CNTN5: variants seen among roughly 807,000 people sequenced by gnomAD.
The protein encoded by CNTN5 is contactin-5.
CNTN5 carries 77 observed loss-of-function variants against 129.1 expected under a neutral mutation model. That is an observed-to-expected ratio of 0.60 (90% confidence interval 0.50 to 0.72). The LOEUF (loss-of-function observed/expected upper bound fraction) is 0.72, where lower values mean the gene tolerates loss of function less well. Among genes scored for constraint, CNTN5 ranks in the 30% least tolerant of loss-of-function variants. The pLI is 0.00. For missense variants in CNTN5, 1,478 were observed against 1,328.8 expected (o/e 1.11, Z -1.75); for synonymous variants, 509 against 465.6 (o/e 1.09, Z -1.20).
At chr11:100,061,423 C>G in intron 10 of CNTN5, 30 bp downstream of exon 10, 6 of 1,471,490 alleles carry the variant, frequency 4.1e-6, no homozygotes, top group Middle Eastern at 1.8e-4. Context: ...CATGATTGCT[C>G]TAGTCCCAAA....
At chr11:99,910,809 T>C (rs1029899103) in intron 6 of CNTN5, among the ~76,000 whole-genome samples, 2 of 152,106 alleles carry the variant, frequency 1.3e-5, no homozygotes, top group Admixed American at 6.6e-5. Flanking sequence ...AAAAATAGTT[T>C]GTGAATGAAG....
At chr11:99,665,367 A>T (rs898994596) in intron 3 of CNTN5, among the ~76,000 whole-genome samples, 13 of 152,154 alleles carry the variant, frequency 8.5e-5, no homozygotes, top group Non-Finnish European at 1.8e-4. Flanking sequence ...GAGAAACGTA[A>T]CCAGAGAGCA....
chr11:100,129,219 C>A (rs76516082), intron 13 of CNTN5, among the ~76,000 whole-genome samples: 2,268 of 151,822 alleles, frequency 0.015, 56 homozygotes, highest in African/African-American at 0.051. Flanking sequence ...ATTTATATAG[C>A]GTGCGTTATG....
At chr11:99,069,983 C>T (rs1458110294) in intron 1 of CNTN5, among the ~76,000 whole-genome samples, 3 of 152,236 alleles carry the variant, frequency 2.0e-5, no homozygotes, top group East Asian at 3.9e-4. Flanking sequence ...CTCCCTCTTC[C>T]GATAATGAGG....
chr11:99,485,642 A>T (rs1238262713), intron 2 of CNTN5, among the ~76,000 whole-genome samples: 2 of 152,222 alleles, frequency 1.3e-5, no homozygotes, highest in East Asian at 1.9e-4. Flanking sequence ...AAAAATATAT[A>T]CTAGGATAAA....
intron 8 of CNTN5, among the ~76,000 whole-genome samples, chr11:100,000,633 C>G (rs1939799377): frequency 6.6e-6 from 1 of 152,142 alleles, no homozygotes; most frequent in Non-Finnish European, 1.5e-5. Flanking sequence ...TAAACAATAC[C>G]CCAGTGGGGA....
intron 3 of CNTN5, among the ~76,000 whole-genome samples, chr11:99,701,900 T>C (rs1954537945): frequency 6.6e-6 from 1 of 151,076 alleles, no homozygotes; most frequent in South Asian, 2.1e-4. Flanking sequence ...ATTTTACTCC[T>C]AATTTCTTCA....
At chr11:100,096,096 T>C (rs1479092218) in intron 13 of CNTN5, among the ~76,000 whole-genome samples, 1 of 152,050 alleles carries the variant, frequency 6.6e-6, no homozygotes, top group Non-Finnish European at 1.5e-5. Context: ...AAGGATCCTT[T>C]GCTTGCTTTA....
chr11:99,225,027 G>A (rs1213888501), intron 1 of CNTN5, among the ~76,000 whole-genome samples: 1 of 151,924 alleles, frequency 6.6e-6, no homozygotes, highest in African/African-American at 2.4e-5. Context: ...AATTAAGTTT[G>A]GAATTGAGAG....
chr11:99,345,434 T>C (rs1467527255), intron 2 of CNTN5, among the ~76,000 whole-genome samples: 1 of 152,174 alleles, frequency 6.6e-6, no homozygotes, highest in Non-Finnish European at 1.5e-5. Context: ...CAACTTAAAA[T>C]AAATATATCC....
intron 21 of CNTN5, among the ~76,000 whole-genome samples, chr11:100,312,541 C>A (rs1951490800): frequency 6.6e-6 from 1 of 151,980 alleles, no homozygotes; most frequent in Admixed American, 6.6e-5. Context: ...ATTTTGTTTA[C>A]TTTTATCCCT....
At chr11:100,355,915 A>G (rs1952512016) in intron 24 of CNTN5, among the ~76,000 whole-genome samples, 1 of 151,842 alleles carries the variant, frequency 6.6e-6, no homozygotes, top group East Asian at 1.9e-4. Context: ...TCACCTTTTC[A>G]ATACAATATC....
intron 13 of CNTN5, among the ~76,000 whole-genome samples, chr11:100,080,766 T>G (rs1208264450): frequency 6.6e-6 from 1 of 152,138 alleles, no homozygotes; most frequent in Admixed American, 6.6e-5. Context: ...TGGGTTTTCC[T>G]TAGTGTGTAA....
chr11:99,887,555 G>T (rs1489515254), intron 6 of CNTN5, among the ~76,000 whole-genome samples: 2 of 152,188 alleles, frequency 1.3e-5, no homozygotes, highest in African/African-American at 4.8e-5. Flanking sequence ...CAATCACAAG[G>T]TGAAGTCCCA....
At chr11:99,756,047 A>G (rs1166124649) in intron 3 of CNTN5, among the ~76,000 whole-genome samples, 3 of 152,106 alleles carry the variant, frequency 2.0e-5, no homozygotes, top group Non-Finnish European at 4.4e-5. Flanking sequence ...AGAAAAGTTG[A>G]CTAACAAGAG....
chr11:99,698,574 T>G (rs1336662296), intron 3 of CNTN5, among the ~76,000 whole-genome samples: 1 of 151,538 alleles, frequency 6.6e-6, no homozygotes, highest in Non-Finnish European at 1.5e-5. Flanking sequence ...GAGTCGCACA[T>G]TATATGTTAA....
chr11:99,706,580 C>A (rs1954764847), intron 3 of CNTN5, among the ~76,000 whole-genome samples: 1 of 151,464 alleles, frequency 6.6e-6, no homozygotes. Flanking sequence ...TTAATTAAAT[C>A]TCTTGATTTA....
chr11:99,838,386 AT>A (rs1273395720), intron 4 of CNTN5, among the ~76,000 whole-genome samples: 2 of 152,098 alleles, frequency 1.3e-5, no homozygotes, highest in African/African-American at 4.8e-5. Context: ...TCTATCTCTT[AT>A]TTTTTGTTTT....
intron 3 of CNTN5, among the ~76,000 whole-genome samples, chr11:99,594,137 T>C (rs1027277620): frequency 1.9e-4 from 29 of 152,230 alleles, no homozygotes; most frequent in African/African-American, 7.0e-4. Flanking sequence ...AGTATTGTTA[T>C]ACTTTTTAAT....
Sources: allele counts gnomAD v4.1 joint callset (sites outside exome capture counted in the v4.1 genomes callset), GRCh38; gene constraint gnomAD v4.1.1; transcripts MANE v1.5; gene names NCBI Gene and HGNC (gene_info 2026-07-23, HGNC 2026-07-21).